BNIP5: variants seen among roughly 807,000 people sequenced by gnomAD.
The protein encoded by BNIP5 is protein BNIP5.
BNIP5 carries 61 observed loss-of-function variants against 67.3 expected under a neutral mutation model. That is an observed-to-expected ratio of 0.91 (90% confidence interval 0.74 to 1.12). The LOEUF (loss-of-function observed/expected upper bound fraction) is 1.12. Ranked by LOEUF, BNIP5 falls within the 50% of genes most tolerant of loss-of-function variation. BNIP5 has a pLI of 0.00. For synonymous variants in BNIP5, 317 were observed against 319.0 expected (o/e 0.99, Z 0.07); for missense variants, 826 against 816.3 (o/e 1.01, Z -0.14).
chr6:36,317,943 C>T (rs1204509451), intron 11 of BNIP5, among the ~76,000 whole-genome samples: 1 of 152,290 alleles, frequency 6.6e-6, no homozygotes, highest in East Asian at 1.9e-4. Flanking sequence ...ATTACCTAAG[C>T]CACCCTAGAG....
chr6:36,333,464 C>T (rs149163783), intron 1 of BNIP5, among the ~76,000 whole-genome samples: 17 of 152,278 alleles, frequency 1.1e-4, no homozygotes, highest in East Asian at 5.8e-4. Flanking sequence ...TTTCCAAAGA[C>T]GATGCAGGGT....
At position 36,326,548 on chromosome 6, in the gene BNIP5, C is replaced by T. The variant is rs761829436; in HGVS notation, c.998G>A (p.Cys333Tyr). The change falls in exon 5 of 12, where the codon TGT becomes TAT. Residue 333 changes from cysteine (C) to tyrosine (Y), a missense_variant. Physicochemically the swap from Cys to Tyr is radical, Grantham distance 194 (BLOSUM62 -2). Coordinates refer to ENST00000437635, the MANE Select transcript of BNIP5 (RefSeq NM_001010903.5). ...PPKKSSFLPL[C>Y]VSGHRPSISS... ...GATGGAAGGCCGATGGCCGCTGACA[C>T]ACAGGGGCAGAAAGCTGGACTTCTT... 4 of 1,614,126 alleles carry T rather than the reference C, an allele frequency of 2.5e-6. No individual in the cohort carries two copies. The African/African-American group carries it at 5.3e-5, about 22-fold the overall frequency.
chr6:36,329,352 C>A (rs1221057758), intron 2 of BNIP5, among the ~76,000 whole-genome samples: 1 of 152,200 alleles, frequency 6.6e-6, no homozygotes, highest in Non-Finnish European at 1.5e-5. Context: ...TGGGCTGTGG[C>A]CACTCCATGA....
Position 36,316,642 on chromosome 6 carries a change from C to G in BNIP5, c.*714G>C. 2.5e-6 allele frequency: 1 copy of G among 398,670 alleles called. No homozygotes were observed. The highest frequency in any genetic ancestry group is 4.4e-6 in the Non-Finnish European group (1 of 226,098). The allele number at this position is 398,670 out of a possible 1,614,324, so 24.7% of individuals were successfully genotyped here. A position where few individuals can be genotyped will look rare whatever the true frequency, so the allele number is the denominator to read the frequency against. ...CTATAGTGCCTACATGGACATGGCACTAGGTAATTTTCAGAACTCTTCACA... is the reference window on the plus strand; with the variant it reads ...CTATAGTGCCTACATGGACATGGCAGTAGGTAATTTTCAGAACTCTTCACA... On this transcript the variant is annotated 3_prime_UTR_variant, in exon 12 of 12. Transcript: ENST00000437635.
At chr6:36,322,542 C>G in intron 8 of BNIP5, 100 bp from the exon 9 acceptor site, 1 of 1,333,118 alleles carries the variant, frequency 7.5e-7, no homozygotes, top group Non-Finnish European at 1.0e-6. Context: ...GGGCTGGTTT[C>G]CAGGCTCCTC....
intron 8 of BNIP5, 138 bp downstream of exon 8, chr6:36,323,155 G>T: frequency 2.4e-6 from 3 of 1,257,794 alleles, no homozygotes; most frequent in East Asian, 2.4e-5. Flanking sequence ...ACTCTACTCA[G>T]CATGGAAAGA....
At chr6:36,325,543 C>G in intron 5 of BNIP5, 129 bp from the exon 6 acceptor site, 1 of 1,142,860 alleles carries the variant, frequency 8.7e-7, no homozygotes, top group East Asian at 2.4e-5. Context: ...GGCTGGAAGA[C>G]AGCTGCTGGG....
intron 1 of BNIP5, 87 bp from the exon 2 acceptor site, chr6:36,330,781 T>C: frequency 6.8e-7 from 1 of 1,469,424 alleles, no homozygotes; most frequent in East Asian, 2.4e-5. Flanking sequence ...TTTTGTTTTT[T>C]ATGACGGAGC....
intron 6 of BNIP5, 89 bp downstream of exon 6, chr6:36,325,194 C>T: frequency 2.1e-6 from 3 of 1,440,108 alleles, no homozygotes; most frequent in South Asian, 1.2e-5. Flanking sequence ...AGGTCACTGC[C>T]TCTCTCTGGC....
intron 6 of BNIP5, among the ~76,000 whole-genome samples, chr6:36,325,062 A>T (rs1399110615): frequency 1.3e-5 from 2 of 152,084 alleles, no homozygotes; most frequent in African/African-American, 4.8e-5. Flanking sequence ...TGTCTGCCTC[A>T]TCAGGGTAAG....
At position 36,322,352 on chromosome 6, in the gene BNIP5, G is replaced by A. The variant is rs759881755; in HGVS notation, c.1562C>T (p.Thr521Met). ...ACTCAGCTGAGGTGCCCCTTCTGGC[G>A]TGTGGCCTCTAGCCTGGGAGGGTGC... The part of the protein sequence containing the change: ...SEAPSQARGH[T>M]PEGAPQLSGA... Residue 521 changes from threonine to methionine, a missense_variant, in exon 9 of 12, where the codon ACG (threonine) becomes ATG (methionine). By Grantham distance (81) the Thr-to-Met change is moderately conservative (BLOSUM62 -1). Coordinates refer to ENST00000437635, the MANE Select transcript of BNIP5 (RefSeq NM_001010903.5). 22 of 1,614,058 alleles carry A rather than the reference G, an allele frequency of 1.4e-5. No individual in the cohort carries two copies. The highest frequency in any genetic ancestry group is 1.6e-4 in the Middle Eastern group (1 of 6,082).
intron 1 of BNIP5, among the ~76,000 whole-genome samples, chr6:36,332,089 CT>C (rs1212704016): frequency 5.3e-5 from 8 of 152,280 alleles, no homozygotes; most frequent in African/African-American, 1.9e-4. Flanking sequence ...CACTCAAAGT[CT>C]TTAAAGCGGC....
intron 10 of BNIP5, 53 bp from the exon 11 acceptor site, chr6:36,319,663 G>A (rs571853090): frequency 5.2e-5 from 82 of 1,568,142 alleles, no homozygotes; most frequent in Admixed American, 4.2e-4. Flanking sequence ...TACCCCTCCC[G>A]CCAACTGCCC....
At chr6:36,331,183 G>A (rs1199361084) in intron 1 of BNIP5, among the ~76,000 whole-genome samples, 1 of 152,200 alleles carries the variant, frequency 6.6e-6, no homozygotes, top group Non-Finnish European at 1.5e-5. Context: ...CAAAGCTGTT[G>A]TCTTGTGCAA....
rs1207893589 is a variant in BNIP5, at chr6:36,326,659, G to A, written c.887C>T (p.Thr296Ile). 1 of 1,614,108 alleles carries A rather than the reference G, an allele frequency of 6.2e-7. No homozygotes were observed. The highest frequency in any genetic ancestry group is 8.5e-7 in the Non-Finnish European group (1 of 1,180,058). Residue 296 changes from threonine (T) to isoleucine (I), a missense_variant, in exon 5 of 12, where the codon ACC becomes ATC. Thr to Ile is a moderately conservative substitution (Grantham distance 89, BLOSUM62 -1). Transcript: ENST00000437635. ...GTGTTTCTTGGGGTTTGTCTTTGAG[G>A]TTCTCTTGAGGCTTGTCTTTTTCTC... is the stretch of plus-strand genomic sequence containing the variant. ...SQEKKTSLKR[T>I]SKTNPKKHGS... is the part of the protein sequence containing the mutation.
chr6:36,331,382 C>T (rs1175052938), intron 1 of BNIP5, among the ~76,000 whole-genome samples: 1 of 152,206 alleles, frequency 6.6e-6, no homozygotes, highest in East Asian at 1.9e-4. Context: ...TTCTCCAGAA[C>T]TGCATGATAA....
intron 6 of BNIP5, among the ~76,000 whole-genome samples, chr6:36,324,578 TATATATATATATATATA>T (rs1771716969): frequency 5.5e-4 from 1 of 1,822 alleles, no homozygotes; most frequent in East Asian, 0.045. Context: ...GGTGATATTA[TATATATATATATATATA>T]TATATATATA....
chr6:36,319,440 G>A lies in BNIP5; in HGVS notation c.1839C>T (p.Gly613=). 1.2e-6 allele frequency: 2 copies of A among 1,614,198 alleles called. No individual in the cohort carries two copies. The highest frequency in any genetic ancestry group is 1.7e-6 in the Non-Finnish European group (2 of 1,180,024). Residue 613 remains glycine (G), a synonymous_variant, in exon 11 of 12, where the codon GGC becomes GGT. Coordinates refer to ENST00000437635, the MANE Select transcript of BNIP5 (RefSeq NM_001010903.5). ...FDVSLANKFA[G]SNSHAMCILM... ...GGATGCACATGGCATGGCTGTTGCT[G>A]CCAGCAAATTTGTTAGCTAAGCTAA...
Sources: gnomAD v4.1 joint callset for allele counts (sites outside exome capture counted in the v4.1 genomes callset) on GRCh38, gnomAD v4.1.1 for gene constraint, MANE v1.5 for transcripts, NCBI Gene and HGNC (gene_info 2026-07-23, HGNC 2026-07-21) for gene names.